SNURF: variants seen among roughly 807,000 people sequenced by gnomAD.
SNURF encodes the protein SNURF protein.
SNURF carries 6 observed loss-of-function variants against 11.6 expected under a neutral mutation model. The observed-to-expected ratio is 0.52, with a 90% CI of 0.28 to 1.02. SNURF has a LOEUF of 1.02. SNURF is among the 50% of genes least tolerant of loss of function. SNURF has a pLI of 0.09. For synonymous variants in SNURF, 29 were observed against 31.6 expected (o/e 0.92, Z 0.27); for missense variants, 84 against 88.4 (o/e 0.95, Z 0.20).
At chr15:24,967,808 GAAA>G (rs35146696) in intron 2 of SNURF, 121 bp from the exon 3 acceptor site, 9,163 of 478,494 alleles carry the variant, frequency 0.019, no homozygotes, top group East Asian at 0.034. Flanking sequence ...ACCCTGTCTG[GAAA>G]AAAAAAAAAA....
At chr15:24,956,330 C>T (rs2062869177) in intron 1 of SNURF, among the ~76,000 whole-genome samples, 1 of 141,956 alleles carries the variant, frequency 7.0e-6, no homozygotes, top group Admixed American at 8.0e-5. Flanking sequence ...GCTGCAGCGG[C>T]TTAGATCTGC....
chr15:24,976,283 A>G (rs192112782), intron 4 of SNURF: 588 of 1,593,000 alleles, frequency 3.7e-4, no homozygotes, highest in Admixed American at 2.5e-3. Context: ...TTATCTCACT[A>G]AAATTTAATT....
At position 24,968,260 on chromosome 15, in the gene SNURF, C is replaced by T. The variant is rs1271023175; in HGVS notation, c.*223C>T. 32 of 503,708 alleles carry T rather than the reference C, an allele frequency of 6.4e-5. No homozygotes were observed. The South Asian group carries it at 7.0e-4, about 11-fold the overall frequency. The allele number at this position is 503,708 out of a possible 1,614,324, so 31.2% of individuals were successfully genotyped here. Reference sequence around the variant, plus strand: ...CTTAAATTTTCTGCCCTGACACTTTCGTCATGTTTCTGTATTCCAGTTATT... The same window carrying T: ...CTTAAATTTTCTGCCCTGACACTTTTGTCATGTTTCTGTATTCCAGTTATT... On this transcript the variant is annotated 3_prime_UTR_variant, in exon 3 of 3. Coordinates refer to ENST00000577949, the Ensembl canonical transcript of SNURF.
At chr15:24,960,653 A>G (rs1384470876) in intron 1 of SNURF, among the ~76,000 whole-genome samples, 2 of 152,192 alleles carry the variant, frequency 1.3e-5, no homozygotes, top group Non-Finnish European at 2.9e-5. Context: ...GCATCATTTC[A>G]TATAGATTAG....
At chr15:24,967,819 A>AG (rs1481598306) in intron 2 of SNURF, 113 bp from the exon 3 acceptor site, 1 of 935,312 alleles carries the variant, frequency 1.1e-6, no homozygotes, top group African/African-American at 1.7e-5. Flanking sequence ...AAAAAAAAAA[A>AG]AAAAAAAAAG....
downstream of SNURF, chr15:24,978,091 A>G (rs112780857): frequency 5.4e-6 from 7 of 1,307,596 alleles, no homozygotes; most frequent in African/African-American, 8.9e-5. Flanking sequence ...ATTTGACTCT[A>G]TCATTGTTGT....
chr15:24,968,260 C>G (rs1271023175), exon 3 of SNURF: 3 of 503,710 alleles, frequency 6.0e-6, no homozygotes, highest in Non-Finnish European at 7.1e-6. Flanking sequence ...CTGACACTTT[C>G]GTCATGTTTC....
chr15:24,961,029 C>G (rs1421268006), intron 1 of SNURF, among the ~76,000 whole-genome samples: 1 of 151,760 alleles, frequency 6.6e-6, no homozygotes, highest in Admixed American at 6.6e-5. Flanking sequence ...AATATTTTTT[C>G]CTATTCTGGT....
intron 1 of SNURF, chr15:24,958,722 AT>A (rs942086319): frequency 1.3e-5 from 2 of 152,430 alleles, no homozygotes; most frequent in Middle Eastern, 8.6e-4. Flanking sequence ...CATTAACCTT[AT>A]TTTTTTGTTT....
downstream of SNURF, among the ~76,000 whole-genome samples, chr15:24,970,543 C>G (rs1424564825): frequency 6.6e-6 from 1 of 152,104 alleles, no homozygotes; most frequent in Admixed American, 6.5e-5. Context: ...TGTGCCACTG[C>G]GCTTCAGCCT....
intron 2 of SNURF, among the ~76,000 whole-genome samples, chr15:24,965,006 T>C (rs551585607): frequency 6.6e-6 from 1 of 152,306 alleles, no homozygotes; most frequent in South Asian, 2.1e-4. Context: ...GGAAATAGTA[T>C]AATTTTTCCC....
At chr15:24,957,707 T>C (rs1203004414) in intron 1 of SNURF, among the ~76,000 whole-genome samples, 1 of 152,230 alleles carries the variant, frequency 6.6e-6, no homozygotes, top group African/African-American at 2.4e-5. Context: ...AGCAGGAGTC[T>C]GGGATTTTAT....
downstream of SNURF, chr15:24,978,337 G>T: frequency 6.2e-7 from 1 of 1,614,080 alleles, no homozygotes; most frequent in Non-Finnish European, 8.5e-7. Flanking sequence ...GAGCATAGGG[G>T]TTTGATGGTT....
intron 2 of SNURF, among the ~76,000 whole-genome samples, chr15:24,963,055 A>G (rs894125526): frequency 1.3e-5 from 2 of 152,144 alleles, no homozygotes; most frequent in African/African-American, 2.4e-5. Flanking sequence ...TAGCCATCAG[A>G]CCTTGTCCTA....
At chr15:24,976,405 C>G in exon 5 of SNURF, 4 of 1,604,650 alleles carry the variant, frequency 2.5e-6, no homozygotes, top group Non-Finnish European at 3.4e-6. Flanking sequence ...GGAGGGGCCA[C>G]CCCCCAAAGA....
downstream of SNURF, chr15:24,968,751 C>T (rs2076020020): frequency 6.6e-6 from 1 of 152,092 alleles, no homozygotes; most frequent in African/African-American, 2.4e-5. Flanking sequence ...GTCTTTTTCT[C>T]ACTTTTCTGT....
intron 2 of SNURF, among the ~76,000 whole-genome samples, chr15:24,965,765 G>A (rs951044801): frequency 3.9e-5 from 6 of 152,048 alleles, no homozygotes; most frequent in African/African-American, 1.5e-4. Context: ...TTCTGTGTAG[G>A]CTGCCTCATT....
At chr15:24,965,243 G>T (rs2075434956) in intron 2 of SNURF, among the ~76,000 whole-genome samples, 1 of 152,090 alleles carries the variant, frequency 6.6e-6, no homozygotes, top group South Asian at 2.1e-4. Flanking sequence ...TAGCCCTAAA[G>T]ATCAATGAAG....
Position 24,955,244 on chromosome 15 carries a change from C to T in SNURF, c.14+182C>T, listed in dbSNP as rs184063488. Among the ~76,000 whole-genome samples the T allele has an allele frequency of 2.2e-4, 34 of 152,266 alleles. No homozygotes were observed. In the East Asian group the frequency reaches 6.0e-3, roughly 27 times the overall value. On this transcript the variant is annotated intron_variant, in intron 1 of 2. Transcript: ENST00000577949. ...GGCTTGCTGTTGTGCCGTTCTGCCC[C>T]GATGGTATCCTGTCCGCTCGCATTG...
Sources: gnomAD v4.1 joint callset for allele counts (sites outside exome capture counted in the v4.1 genomes callset) on GRCh38, gnomAD v4.1.1 for gene constraint, MANE v1.5 for transcripts, NCBI Gene and HGNC (gene_info 2026-07-23, HGNC 2026-07-21) for gene names.